The following ARMH4 variants were observed in gnomAD, a reference collection of about 807,000 sequenced individuals.
The protein encoded by ARMH4 is armadillo like helical domain containing 4.
In ARMH4, 49 loss-of-function variants were observed where a neutral mutation model predicts 61.9. That is an observed-to-expected ratio of 0.79 (90% CI 0.63 to 1.00). The LOEUF is 1.00. Among genes scored for constraint, ARMH4 ranks in the 50% least tolerant of loss-of-function variants. ARMH4 has a pLI of 0.00. For synonymous variants in ARMH4, 368 were observed against 341.5 expected (o/e 1.08, Z -0.85); for missense variants, 934 against 930.0 (o/e 1.00, Z -0.06).
intron 6 of ARMH4, among the ~76,000 whole-genome samples, chr14:58,010,609 C>T (rs778454454): frequency 1.3e-5 from 2 of 151,686 alleles, no homozygotes; most frequent in Admixed American, 6.6e-5. Flanking sequence ...AGAAAACTAG[C>T]GGTCACATAC....
At chr14:58,126,154 G>T (rs1886888889) in intron 4 of ARMH4, among the ~76,000 whole-genome samples, 1 of 151,916 alleles carries the variant, frequency 6.6e-6, no homozygotes, top group African/African-American at 2.4e-5. Context: ...AAAAACAAAA[G>T]AAAAAAATCT....
chr14:58,137,845 C>T (rs948073085), intron 2 of ARMH4, 145 bp downstream of exon 2: 9 of 842,422 alleles, frequency 1.1e-5, no homozygotes, highest in Admixed American at 2.9e-5. Flanking sequence ...CCTCGGCCTC[C>T]GAAAATGCTG....
At position 58,004,768 on chromosome 14, in the gene ARMH4, G is replaced by A; in HGVS notation, c.2293C>T (p.Leu765Phe). The change falls in exon 8 of 8, where the codon CTC becomes TTC. Residue 765 changes from leucine (L) to phenylalanine (F), a missense_variant. Physicochemically the swap from Leu to Phe is conservative, Grantham distance 22. Transcript: ENST00000267485. ...EFNSMQDRVMLLADSSEDEF is the reference protein window; with the variant it reads ...EFNSMQDRVMFLADSSEDEF Reference sequence around the variant, plus strand: ...TCATCTTCAGAGCTGTCGGCTAAGAGCATTACTCGATCTTGCATGCTGTTG... The same window carrying A: ...TCATCTTCAGAGCTGTCGGCTAAGAACATTACTCGATCTTGCATGCTGTTG... 6.2e-7 allele frequency: 1 copy of A among 1,611,390 alleles called. No individual in the cohort carries two copies. The highest frequency in any genetic ancestry group is 8.5e-7 in the Non-Finnish European group (1 of 1,177,796).
intron 4 of ARMH4, among the ~76,000 whole-genome samples, chr14:58,099,187 A>C (rs964739178): frequency 6.6e-6 from 1 of 152,154 alleles, no homozygotes. Flanking sequence ...GGGAAGTTTC[A>C]AAGCTAGAGA....
At chr14:58,068,704 T>C (rs535905789) in intron 5 of ARMH4, among the ~76,000 whole-genome samples, 135 of 152,278 alleles carry the variant, frequency 8.9e-4, no homozygotes, top group Non-Finnish European at 1.4e-3. Flanking sequence ...TATCAACTTT[T>C]ACAGCTTAAA....
chr14:58,133,466 A>T, intron 2 of ARMH4, 125 bp from the exon 3 acceptor site: 1 of 866,250 alleles, frequency 1.2e-6, no homozygotes, highest in Non-Finnish European at 1.8e-6. Context: ...GGGGAAGCAA[A>T]GAGAGAACTC....
chr14:58,102,655 C>CA (rs1418707858), intron 4 of ARMH4, among the ~76,000 whole-genome samples: 2 of 148,270 alleles, frequency 1.3e-5, no homozygotes, highest in African/African-American at 5.0e-5. Context: ...ACTAAAAATA[C>CA]AAAAAATTAG....
intron 1 of ARMH4, among the ~76,000 whole-genome samples, chr14:58,142,211 CT>C (rs1336307949): frequency 5.9e-5 from 9 of 151,992 alleles, no homozygotes; most frequent in South Asian, 2.1e-4. Flanking sequence ...ACATTTTTTT[CT>C]TGCTTTCATG....
intron 5 of ARMH4, among the ~76,000 whole-genome samples, chr14:58,054,019 C>T (rs1884234936): frequency 6.6e-6 from 1 of 152,120 alleles, no homozygotes; most frequent in Admixed American, 6.5e-5. Flanking sequence ...GATTTAGCGC[C>T]CTTGGTACGT....
intron 5 of ARMH4, among the ~76,000 whole-genome samples, chr14:58,016,912 C>A (rs1478726359): frequency 6.6e-6 from 1 of 152,198 alleles, no homozygotes; most frequent in African/African-American, 2.4e-5. Context: ...CCTCTAAGAT[C>A]AGGAACAAGA....
intron 5 of ARMH4, among the ~76,000 whole-genome samples, chr14:58,077,485 C>T (rs1219568990): frequency 2.6e-5 from 4 of 152,028 alleles, no homozygotes; most frequent in Admixed American, 2.0e-4. Context: ...TGCACACCTG[C>T]GGTCCCAGCT....
At chr14:58,027,157 AGAACAC>A (rs1883049365) in intron 5 of ARMH4, among the ~76,000 whole-genome samples, 1 of 152,272 alleles carries the variant, frequency 6.6e-6, no homozygotes, top group Admixed American at 6.5e-5. Flanking sequence ...TCTTTGGTTA[AGAACAC>A]CTGAGCACTG....
In ARMH4 at chr14:58,081,552, G is replaced by A. The variant is rs147495671; in HGVS notation, c.2089+15172C>T. Reference sequence around the variant, plus strand: ...ATCTCGCTCTGTCACCTGGGCTGGAGTGCAGTGGTGCTATCTCGGCTCACT... The same window carrying A: ...ATCTCGCTCTGTCACCTGGGCTGGAATGCAGTGGTGCTATCTCGGCTCACT... On this transcript the variant is annotated intron_variant, in intron 5 of 7. Coordinates refer to ENST00000267485, the MANE Select transcript of ARMH4 (RefSeq NM_001001872.4). Among the ~76,000 whole-genome samples the A allele has an allele frequency of 2.1e-4, 31 of 150,836 alleles. 1 individual carries two copies. In the East Asian group the frequency reaches 6.0e-3, roughly 29 times the overall value.
At chr14:58,118,814 C>T (rs960604589) in intron 4 of ARMH4, among the ~76,000 whole-genome samples, 3 of 152,076 alleles carry the variant, frequency 2.0e-5, no homozygotes, top group Non-Finnish European at 4.4e-5. Flanking sequence ...AAAATTTCTA[C>T]TAATTTCAGC....
At chr14:58,062,992 T>C (rs12323496) in intron 5 of ARMH4, among the ~76,000 whole-genome samples, 50,724 of 152,048 alleles carry the variant, frequency 0.33, 8,796 homozygotes, top group Non-Finnish European at 0.38. Context: ...GCTTAAACAA[T>C]GGAAATTTAT....
chr14:58,023,821 T>G (rs1181533880), intron 5 of ARMH4, among the ~76,000 whole-genome samples: 1 of 152,216 alleles, frequency 6.6e-6, no homozygotes, highest in African/African-American at 2.4e-5. Context: ...AAAAACAACA[T>G]TAATCTCCTT....
At chr14:58,100,018 C>T (rs1164162970) in intron 4 of ARMH4, among the ~76,000 whole-genome samples, 1 of 152,136 alleles carries the variant, frequency 6.6e-6, no homozygotes, top group African/African-American at 2.4e-5. Context: ...AGGTTGGCTT[C>T]TTCATAATGA....
At chr14:58,092,389 A>T (rs962070058) in intron 5 of ARMH4, among the ~76,000 whole-genome samples, 1 of 152,272 alleles carries the variant, frequency 6.6e-6, no homozygotes, top group African/African-American at 2.4e-5. Context: ...CATAGCTGCC[A>T]TGAGGCTCTG....
intron 5 of ARMH4, among the ~76,000 whole-genome samples, chr14:58,095,267 A>G (rs1156760735): frequency 6.6e-6 from 1 of 152,130 alleles, no homozygotes; most frequent in Non-Finnish European, 1.5e-5. Flanking sequence ...TCCATACTGA[A>G]AGGCTGTTTA....
Sources: gnomAD v4.1 joint callset for allele counts (sites outside exome capture counted in the v4.1 genomes callset) on GRCh38, gnomAD v4.1.1 for gene constraint, MANE v1.5 for transcripts, NCBI Gene and HGNC (gene_info 2026-07-23, HGNC 2026-07-21) for gene names.